Variants in ARB2A observed in about 807,000 individuals in gnomAD.
The protein encoded by ARB2A is cotranscriptional regulator ARB2A.
chr5:93,623,228 C>T, the ARB2A span, among the ~76,000 whole-genome samples: 1 of 148,224 alleles, frequency 6.7e-6, no homozygotes, highest in Non-Finnish European at 1.5e-5. Flanking sequence ...TACTACGTGG[C>T]AACACCCACC....
chr5:93,663,904 T>G, the ARB2A span, among the ~76,000 whole-genome samples: 5 of 152,134 alleles, frequency 3.3e-5, no homozygotes, highest in Non-Finnish European at 7.4e-5. Context: ...GTGATTATCT[T>G]TAGAAAGAAA....
the ARB2A span, among the ~76,000 whole-genome samples, chr5:94,044,688 G>C: frequency 1.3e-5 from 2 of 152,090 alleles, no homozygotes; most frequent in African/African-American, 4.8e-5. Flanking sequence ...TAAGTCACAG[G>C]ATGAAACAGG....
the ARB2A span, among the ~76,000 whole-genome samples, chr5:93,695,390 T>C: frequency 3.3e-5 from 5 of 152,192 alleles, no homozygotes; most frequent in Non-Finnish European, 5.9e-5. Context: ...GAACAGACAC[T>C]TCTCAAAAGA....
At chr5:94,070,545 T>C in the ARB2A span, among the ~76,000 whole-genome samples, 1 of 152,062 alleles carries the variant, frequency 6.6e-6, no homozygotes, top group Non-Finnish European at 1.5e-5. Flanking sequence ...ATAATGGAAA[T>C]ATCCTAACTT....
chr5:94,030,797 T>G, the ARB2A span, among the ~76,000 whole-genome samples: 1 of 152,224 alleles, frequency 6.6e-6, no homozygotes, highest in Non-Finnish European at 1.5e-5. Flanking sequence ...TTGAGCAAAT[T>G]GATTAGTTCT....
chr5:93,708,080 T>C, the ARB2A span, among the ~76,000 whole-genome samples: 1 of 152,240 alleles, frequency 6.6e-6, no homozygotes, highest in East Asian at 1.9e-4. Flanking sequence ...TTCATCTCTT[T>C]CATTCCCTGT....
chr5:93,652,538 T>C, the ARB2A span, among the ~76,000 whole-genome samples: 1 of 152,214 alleles, frequency 6.6e-6, no homozygotes, highest in Admixed American at 6.5e-5. Context: ...AAATTACCAT[T>C]ACTGTATATT....
chr5:93,663,863 A>C, the ARB2A span, among the ~76,000 whole-genome samples: 2 of 152,222 alleles, frequency 1.3e-5, no homozygotes, highest in Non-Finnish European at 2.9e-5. Context: ...CAAGTGAAAT[A>C]AATTTGTTTC....
chr5:93,847,849 A>T, the ARB2A span, among the ~76,000 whole-genome samples: 2 of 152,232 alleles, frequency 1.3e-5, no homozygotes, highest in South Asian at 4.1e-4. Context: ...AGTCTGAATT[A>T]AAAATGCCTA....
At chr5:94,011,758 A>C in the ARB2A span, among the ~76,000 whole-genome samples, 2 of 152,000 alleles carry the variant, frequency 1.3e-5, no homozygotes, top group Non-Finnish European at 2.9e-5. Context: ...ACTCAAGTGA[A>C]GACGTCTAGT....
the ARB2A span, among the ~76,000 whole-genome samples, chr5:93,892,842 A>G: frequency 6.6e-6 from 1 of 152,166 alleles, no homozygotes; most frequent in African/African-American, 2.4e-5. Flanking sequence ...ACTGATAGAA[A>G]TTTGGCTCTT....
chr5:93,950,954 A>AAAATAAAAT, the ARB2A span, among the ~76,000 whole-genome samples: 2 of 147,792 alleles, frequency 1.4e-5, no homozygotes, highest in Non-Finnish European at 3.0e-5. Context: ...AAAAAAAAAA[A>AAAATAAAAT]AAAATAAAAT....
At chr5:93,875,927 TGGGG>T in the ARB2A span, among the ~76,000 whole-genome samples, 2 of 152,102 alleles carry the variant, frequency 1.3e-5, no homozygotes, top group Non-Finnish European at 2.9e-5. Context: ...TCTGTAGTTA[TGGGG>T]GGTGAAAATA....
chr5:93,683,112 T>C, the ARB2A span: 2 of 1,557,478 alleles, frequency 1.3e-6, no homozygotes, highest in East Asian at 4.5e-5. Context: ...TTTTGTGCAT[T>C]TTTGGCTGGA....
chr5:93,641,149 T>G, the ARB2A span, among the ~76,000 whole-genome samples: 28 of 149,654 alleles, frequency 1.9e-4, no homozygotes, highest in Non-Finnish European at 8.9e-5. Context: ...GCAGTGAGCC[T>G]AGATCGCACC....
chr5:93,824,566 A>C, the ARB2A span, among the ~76,000 whole-genome samples: 1 of 152,128 alleles, frequency 6.6e-6, no homozygotes, highest in Non-Finnish European at 1.5e-5. Context: ...CTTTTAGTAC[A>C]CTCCTAAAGA....
chr5:93,994,860 T>C, the ARB2A span, among the ~76,000 whole-genome samples: 1 of 151,732 alleles, frequency 6.6e-6, no homozygotes, highest in Non-Finnish European at 1.5e-5. Flanking sequence ...GAGCCGAGAT[T>C]GCACCATGGC....
chr5:93,951,537 C>T, the ARB2A span, among the ~76,000 whole-genome samples: 2 of 152,152 alleles, frequency 1.3e-5, no homozygotes, highest in Non-Finnish European at 2.9e-5. Context: ...CATTCTTCTG[C>T]ATATGGATAG....
At chr5:94,016,213 G>A in the ARB2A span, among the ~76,000 whole-genome samples, 1 of 152,154 alleles carries the variant, frequency 6.6e-6, no homozygotes, top group African/African-American at 2.4e-5. Context: ...TAATGTAAAA[G>A]GGTCAATTCA....
Sources: gnomAD v4.1 joint callset for allele counts (sites outside exome capture counted in the v4.1 genomes callset) on GRCh38, gnomAD v4.1.1 for gene constraint, MANE v1.5 for transcripts, NCBI Gene and HGNC (gene_info 2026-07-23, HGNC 2026-07-21) for gene names.